The following SHISA6 variants were observed in gnomAD, a reference collection of about 807,000 sequenced individuals.
SHISA6 encodes protein shisa-6.
In SHISA6, 22 loss-of-function variants were observed where a neutral mutation model predicts 47.9. The ratio of observed to expected loss-of-function variants is 0.46; its 90% CI spans 0.33 to 0.66. SHISA6 has a LOEUF of 0.66. Among genes scored for constraint, SHISA6 ranks in the 30% least tolerant of loss-of-function variants. The probability of loss-of-function intolerance (pLI) is 0.02; values close to 1 mark genes in which losing one functional copy is unlikely to be tolerated. For synonymous variants in SHISA6, 388 were observed against 337.8 expected (o/e 1.15, Z -1.63); for missense variants, 680 against 764.6 (o/e 0.89, Z 1.30).
At chr17:11,246,193 T>TAA (rs367667577) in intron 1 of SHISA6, among the ~76,000 whole-genome samples, 168 of 150,226 alleles carry the variant, frequency 1.1e-3, no homozygotes, top group African/African-American at 3.9e-3. Flanking sequence ...TTCTTTGAGT[T>TAA]AAAAAAAAAA....
chr17:11,271,228 A>G (rs1235922404), intron 2 of SHISA6, among the ~76,000 whole-genome samples: 1 of 152,024 alleles, frequency 6.6e-6, no homozygotes, highest in Non-Finnish European at 1.5e-5. Context: ...GGGGTGCAGG[A>G]AGGGAGGGAC....
At chr17:11,268,619 G>A (rs151104352) in intron 2 of SHISA6, among the ~76,000 whole-genome samples, 89 of 152,196 alleles carry the variant, frequency 5.8e-4, no homozygotes, top group African/African-American at 2.1e-3. Flanking sequence ...TACCATCTCC[G>A]GCTTTACTTT....
rs537964375 is a variant in SHISA6 at position 11,285,637 on chromosome 17, T to G, written c.799+22111T>G. On this transcript the variant is annotated intron_variant, in intron 2 of 5. Transcript: ENST00000441885. ...GATGGGACAGGAATCAATTTCCCTT[T>G]TTGCCCCTGGGCTTGTACAGACTAT... Among the ~76,000 whole-genome samples, 39 of 152,286 alleles carry G rather than the reference T, an allele frequency of 2.6e-4. No individual in the cohort carries two copies. In the East Asian group the frequency reaches 6.6e-3, roughly 26 times the overall value.
intron 2 of SHISA6, among the ~76,000 whole-genome samples, chr17:11,297,211 A>G (rs953130843): frequency 1.3e-5 from 2 of 152,164 alleles, no homozygotes; most frequent in African/African-American, 2.4e-5. Flanking sequence ...GTGGAGAGTA[A>G]GAGTTTGGAG....
At chr17:11,539,269 C>T (rs2071812726) in intron 3 of SHISA6, among the ~76,000 whole-genome samples, 1 of 152,214 alleles carries the variant, frequency 6.6e-6, no homozygotes, top group South Asian at 2.1e-4. Flanking sequence ...CTCTCAGGAT[C>T]CCATTGATCC....
intron 1 of SHISA6, among the ~76,000 whole-genome samples, chr17:11,259,456 G>A (rs1038021861): frequency 5.9e-5 from 9 of 152,148 alleles, no homozygotes; most frequent in Non-Finnish European, 5.9e-5. Context: ...TTAATATCTC[G>A]AGCAGACAAG....
Position 11,379,437 on chromosome 17 carries a change from C to T in SHISA6, c.823C>T (p.Arg275Ter), listed in dbSNP as rs1262429065. 1.3e-6 allele frequency: 2 copies of T among 1,539,660 alleles called. No individual in the cohort carries two copies. Among genetic ancestry groups the T allele is most frequent in the Non-Finnish European group, 1.8e-6 (2 of 1,142,068 alleles). Reference protein sequence around the residue: ...TPGHYGKDAYRSGGPDLHNFI... With the variant: ...TPGHYGKDAY ...AGGGCATTATGGGAAGGATGCTTAC[C>T]GAAGTGGAGGACCTGATCTCCATAA... The change falls in exon 3 of 6, where the codon CGA becomes TGA. Residue 275 changes from arginine (R) to a stop codon, truncating the protein, a stop_gained. Transcript: ENST00000441885. LOFTEE classifies it high-confidence loss of function.
At chr17:11,315,981 A>G (rs1910498418) in intron 2 of SHISA6, among the ~76,000 whole-genome samples, 1 of 152,274 alleles carries the variant, frequency 6.6e-6, no homozygotes, top group South Asian at 2.1e-4. Context: ...ATTATTTAAA[A>G]GTTGTATCAA....
chr17:11,277,776 T>G (rs1280917535), intron 2 of SHISA6, among the ~76,000 whole-genome samples: 1 of 152,116 alleles, frequency 6.6e-6, no homozygotes, highest in African/African-American at 2.4e-5. Context: ...AGCACGTGCC[T>G]TCCATGTCAT....
intron 3 of SHISA6, among the ~76,000 whole-genome samples, chr17:11,500,591 T>C (rs922113282): frequency 6.6e-6 from 1 of 152,200 alleles, no homozygotes; most frequent in African/African-American, 2.4e-5. Flanking sequence ...TTTTCCTGGT[T>C]TGTTCAAAAG....
chr17:11,242,086 C>G, intron 1 of SHISA6, 26 bp downstream of exon 1: 1 of 1,548,290 alleles, frequency 6.5e-7, no homozygotes, highest in Non-Finnish European at 8.7e-7. Flanking sequence ...GCCGCGCGCC[C>G]CGGTCTCCCC....
At chr17:11,414,825 C>T (rs569549292) in intron 3 of SHISA6, among the ~76,000 whole-genome samples, 1 of 152,156 alleles carries the variant, frequency 6.6e-6, no homozygotes, top group Non-Finnish European at 1.5e-5. Flanking sequence ...TGGTGGCTCA[C>T]GCCTGTAATC....
intron 2 of SHISA6, among the ~76,000 whole-genome samples, chr17:11,274,083 C>T (rs1207232321): frequency 6.6e-6 from 1 of 152,142 alleles, no homozygotes; most frequent in Non-Finnish European, 1.5e-5. Flanking sequence ...CCAGCTGTGC[C>T]CAACTTGTCC....
chr17:11,296,307 T>C (rs555419172), intron 2 of SHISA6, among the ~76,000 whole-genome samples: 8 of 152,196 alleles, frequency 5.3e-5, no homozygotes, highest in African/African-American at 1.4e-4. Flanking sequence ...TAGTTAAGAT[T>C]ATAAGAGTAG....
At chr17:11,544,795 C>A (rs536081248) in intron 3 of SHISA6, among the ~76,000 whole-genome samples, 11 of 151,964 alleles carry the variant, frequency 7.2e-5, no homozygotes, top group Admixed American at 1.3e-4. Flanking sequence ...CCCGTCTCTA[C>A]TAAAAATACA....
chr17:11,379,223 T>A (rs572435637), intron 2 of SHISA6, among the ~76,000 whole-genome samples, 191 bp from the exon 3 acceptor site: 7 of 148,356 alleles, frequency 4.7e-5, no homozygotes, highest in Non-Finnish European at 8.9e-5. Flanking sequence ...TATTCAGTAA[T>A]ATATATATTT....
intron 3 of SHISA6, among the ~76,000 whole-genome samples, chr17:11,426,998 A>G (rs539571707): frequency 6.6e-6 from 1 of 152,328 alleles, no homozygotes; most frequent in Admixed American, 6.5e-5. Flanking sequence ...AAAACCAGAA[A>G]TAACTTAGTG....
chr17:11,371,680 A>G (rs1912633767), intron 2 of SHISA6, among the ~76,000 whole-genome samples: 1 of 152,156 alleles, frequency 6.6e-6, no homozygotes, highest in Non-Finnish European at 1.5e-5. Flanking sequence ...TTTTTATAAA[A>G]TAACGTTATT....
At chr17:11,535,437 G>C (rs1462438858) in intron 3 of SHISA6, among the ~76,000 whole-genome samples, 1 of 152,242 alleles carries the variant, frequency 6.6e-6, no homozygotes, top group African/African-American at 2.4e-5. Context: ...AATGCTGTCA[G>C]CAGGGAGATG....
Sources: allele counts gnomAD v4.1 joint callset (sites outside exome capture counted in the v4.1 genomes callset), GRCh38; gene constraint gnomAD v4.1.1; transcripts MANE v1.5; gene names NCBI Gene and HGNC (gene_info 2026-07-23, HGNC 2026-07-21).